Variants in WDR27 observed in about 807,000 individuals in gnomAD.
The protein encoded by WDR27 is WD repeat domain 27.
A neutral mutation model predicts 114.4 loss-of-function variants in WDR27; 100 were observed. That is an observed-to-expected ratio of 0.87 (90% CI 0.74 to 1.03). The LOEUF (loss-of-function observed/expected upper bound fraction) is 1.03, where lower values mean the gene tolerates loss of function less well. Ranked by LOEUF, WDR27 falls within the 50% of genes least tolerant of loss-of-function variation. The probability of loss-of-function intolerance (pLI) is 0.00; values close to 1 mark genes in which losing one functional copy is unlikely to be tolerated. For missense variants in WDR27, 1,129 were observed against 1,092.9 expected (o/e 1.03, Z -0.47); for synonymous variants, 449 against 423.1 (o/e 1.06, Z -0.75).
Position 169,613,606 on chromosome 6 carries a change from G to A in WDR27, c.2274C>T (p.Thr758=), listed in dbSNP as rs551493214. 1.2e-6 allele frequency: 2 copies of A among 1,613,832 alleles called. No homozygotes were observed. The highest frequency in any genetic ancestry group is 2.7e-5 in the African/African-American group (2 of 75,018). ...GTCTCATCCCATCGCCAATGGCCGT[G>A]GTCAGGAAAAGGTTATAAGCCTGAG... is the stretch of plus-strand genomic sequence containing the variant. ...QQPQAYNLFL[T]TAIGDGMRLW... is the part of the protein sequence containing the mutation. Residue 758 remains threonine (T), a synonymous_variant, in exon 22 of 26, where the codon ACC becomes ACT. Transcript: ENST00000448612.
chr6:169,544,153 T>C (rs1240369095), intron 25 of WDR27, among the ~76,000 whole-genome samples: 5 of 152,142 alleles, frequency 3.3e-5, no homozygotes, highest in Admixed American at 2.6e-4. Flanking sequence ...ATGGTGATGA[T>C]TGGATGCTCT....
chr6:169,640,185 C>A (rs1010696601), intron 17 of WDR27, among the ~76,000 whole-genome samples: 3 of 152,210 alleles, frequency 2.0e-5, no homozygotes, highest in African/African-American at 7.2e-5. Flanking sequence ...CGAGAAAATT[C>A]CTGCCATAGC....
chr6:169,660,784 A>T lies in WDR27; in HGVS notation c.1026-18T>A. ...AAGAAAGACTGATTTAAGGAAAAAA[A>T]GAAAAGAATACACAATAATCTTATT... On this transcript the variant is annotated intron_variant, in intron 9 of 25. Transcript: ENST00000448612. 6.2e-7 allele frequency: 1 copy of T among 1,604,692 alleles called. No homozygotes were observed. The highest frequency in any genetic ancestry group is 8.5e-7 in the Non-Finnish European group (1 of 1,173,696).
At chr6:169,697,865 G>A (rs888430339) in intron 1 of WDR27, among the ~76,000 whole-genome samples, 1 of 152,160 alleles carries the variant, frequency 6.6e-6, no homozygotes, top group African/African-American at 2.4e-5. Context: ...GTGACTTGGT[G>A]GTAGTGGTCC....
intron 24 of WDR27, among the ~76,000 whole-genome samples, chr6:169,581,134 C>T (rs1035598639): frequency 7.9e-5 from 12 of 151,906 alleles, no homozygotes; most frequent in African/African-American, 2.4e-4. Flanking sequence ...ACTATATTTA[C>T]GCCATATTTG....
the WDR27 span, among the ~76,000 whole-genome samples, chr6:169,444,280 T>A: frequency 6.6e-6 from 1 of 152,210 alleles, no homozygotes; most frequent in Non-Finnish European, 1.5e-5. Context: ...GCCAAATAAC[T>A]GCCCTATATA....
chr6:169,605,108 C>CAGAAAAAAAA (rs1808841670), intron 22 of WDR27, among the ~76,000 whole-genome samples: 1 of 76,202 alleles, frequency 1.3e-5, no homozygotes, highest in African/African-American at 5.9e-5. Context: ...AGCAATTAGG[C>CAGAAAAAAAA]AAAAAAAAAA....
chr6:169,455,394 C>T (rs1306593845), downstream of WDR27, among the ~76,000 whole-genome samples: 1 of 152,230 alleles, frequency 6.6e-6, no homozygotes, highest in Admixed American at 6.5e-5. Flanking sequence ...TCTACATAAA[C>T]ATGTTATTTT....
intron 2 of WDR27, among the ~76,000 whole-genome samples, chr6:169,683,267 T>A (rs1415593790): frequency 6.6e-6 from 1 of 152,048 alleles, no homozygotes; most frequent in African/African-American, 2.4e-5. Context: ...TAATCAAACT[T>A]TCAAAGGTCA....
At chr6:169,505,906 CA>C in intron 25 of WDR27, among the ~76,000 whole-genome samples, 1 of 152,298 alleles carries the variant, frequency 6.6e-6, no homozygotes, top group African/African-American at 2.4e-5. Flanking sequence ...AGCTGCTAGC[CA>C]GGGGGCCACA....
Position 169,647,790 on chromosome 6 carries a change from C to A in WDR27, c.1640G>T (p.Cys547Phe). The A allele has an allele frequency of 6.3e-7, 1 of 1,583,298 alleles. No homozygotes were observed. The highest frequency in any genetic ancestry group is 8.6e-7 in the Non-Finnish European group (1 of 1,165,128). Residue 547 changes from cysteine (C) to phenylalanine (F), a missense_variant, in exon 16 of 26, where the codon TGC becomes TTC. Physicochemically the swap from Cys to Phe is radical, Grantham distance 205. Transcript: ENST00000448612. ...VAAAPTCTRV[C>F]CIQYSGDGQW... Reference sequence around the variant, plus strand: ...TGGCGCACCTGAGTACTGGATGCAGCATACACGTGTGCAGGTGGGGGCGGC... The same window carrying A: ...TGGCGCACCTGAGTACTGGATGCAGAATACACGTGTGCAGGTGGGGGCGGC...
At chr6:169,651,698 G>A (rs1381829716) in intron 14 of WDR27, among the ~76,000 whole-genome samples, 1 of 152,156 alleles carries the variant, frequency 6.6e-6, no homozygotes, top group Non-Finnish European at 1.5e-5. Context: ...GGACTCGGAG[G>A]ACTGCTCTGA....
At chr6:169,698,658 G>A (rs1786942584) in intron 1 of WDR27, among the ~76,000 whole-genome samples, 1 of 152,212 alleles carries the variant, frequency 6.6e-6, no homozygotes, top group African/African-American at 2.4e-5. Context: ...TCCAGCCTCT[G>A]AAGTCGAGGG....
At chr6:169,667,528 A>AGGTCAGGTGCACACTCGCT (rs1828192489) in intron 5 of WDR27, 1 of 292,088 alleles carries the variant, frequency 3.4e-6, no homozygotes, top group Non-Finnish European at 5.1e-6. Context: ...ACACCCTGTC[A>AGGTCAGGTGCACACTCGCT]GGTCAGGTGC....
rs1313763102 is a variant in WDR27 at position 169,609,911 on chromosome 6, T to G, written c.2321+3648A>C. ...CTTAAACACTTTGCTGCTTAGAAAT[T>G]TCTTCCACCAGATACCCTAAAACAT... On this transcript the variant is annotated intron_variant, in intron 22 of 25. Transcript: ENST00000448612. 2.6e-5 allele frequency among the ~76,000 whole-genome samples: 4 copies of G among 152,310 alleles called. No individual in the cohort carries two copies. The South Asian group carries it at 8.3e-4, about 32-fold the overall frequency.
intron 7 of WDR27, 84 bp from the exon 8 acceptor site, chr6:169,664,370 G>C: frequency 6.2e-7 from 1 of 1,601,422 alleles, no homozygotes; most frequent in South Asian, 1.1e-5. Flanking sequence ...GGAGCAGGGA[G>C]GGCAGACACG....
chr6:169,517,441 AT>A (rs1328175478), intron 25 of WDR27, among the ~76,000 whole-genome samples: 2 of 152,188 alleles, frequency 1.3e-5, no homozygotes, highest in Non-Finnish European at 2.9e-5. Context: ...CCACATCATC[AT>A]TTTGGAACTG....
At chr6:169,564,234 G>A (rs1800099647) in intron 25 of WDR27, among the ~76,000 whole-genome samples, 1 of 152,200 alleles carries the variant, frequency 6.6e-6, no homozygotes, top group Non-Finnish European at 1.5e-5. Context: ...GAGAAAGATG[G>A]AGGCCAGGAG....
In WDR27 at chr6:169,551,100, C is replaced by T. The variant is rs185102449; in HGVS notation, c.2645+21319G>A. Among the ~76,000 whole-genome samples the T allele has an allele frequency of 3.3e-5, 5 of 152,222 alleles. 1 individual carries two copies. In the East Asian group the frequency reaches 9.7e-4, roughly 29 times the overall value. On this transcript the variant is annotated intron_variant, in intron 25 of 25. Transcript: ENST00000448612. Reference sequence around the variant, plus strand: ...AAGGAAAAATAAATGAGGAAAAATACTATAAAATTCCAAAGGCGTTTGAGC... The same window carrying T: ...AAGGAAAAATAAATGAGGAAAAATATTATAAAATTCCAAAGGCGTTTGAGC...
Sources: allele counts gnomAD v4.1 joint callset (sites outside exome capture counted in the v4.1 genomes callset), GRCh38; gene constraint gnomAD v4.1.1; transcripts MANE v1.5; gene names NCBI Gene and HGNC (gene_info 2026-07-23, HGNC 2026-07-21).